Variants in TG observed in about 807,000 individuals in gnomAD.
TG encodes the protein thyroglobulin, also known as thyroid hormones.
A neutral mutation model predicts 324.7 loss-of-function variants in TG; 270 were observed. The ratio of observed to expected loss-of-function variants is 0.83; its 90% confidence interval spans 0.75 to 0.92. The LOEUF (loss-of-function observed/expected upper bound fraction) is 0.92, where lower values mean the gene tolerates loss of function less well. Among genes scored for constraint, TG ranks in the 40% least tolerant of loss-of-function variants. The probability of loss-of-function intolerance (pLI) is 0.00; values close to 1 mark genes in which losing one functional copy is unlikely to be tolerated. For missense variants in TG, 3,591 were observed against 3,456.4 expected (o/e 1.04, Z -0.98); for synonymous variants, 1,401 against 1,327.0 (o/e 1.06, Z -1.21).
At chr8:133,003,747 C>T (rs573077920) in intron 35 of TG, among the ~76,000 whole-genome samples, 1 of 152,148 alleles carries the variant, frequency 6.6e-6, no homozygotes, top group Non-Finnish European at 1.5e-5. Flanking sequence ...CCCATCACCT[C>T]CTGCCTCTTT....
intron 32 of TG, among the ~76,000 whole-genome samples, chr8:132,969,774 G>C (rs1829214518): frequency 6.6e-6 from 1 of 151,980 alleles, no homozygotes; most frequent in Admixed American, 6.6e-5. Context: ...AGCTGGGCAT[G>C]GTGGCGGCAC....
chr8:132,917,905 T>TTTTTTTTA lies in TG; in HGVS notation c.4379-1471_4379-1470insTTTTTTTA, dbSNP rs1554667907. Among the ~76,000 whole-genome samples, 4 of 150,366 alleles carry TTTTTTTTA rather than the reference T, an allele frequency of 2.7e-5. No individual in the cohort carries two copies. The East Asian group carries it at 5.9e-4, about 22-fold the overall frequency. On this transcript the variant is annotated intron_variant, in intron 20 of 47. Coordinates refer to ENST00000220616, the MANE Select transcript of TG (RefSeq NM_003235.5). ...GTTTTTGCAATTTTTTTTTTTTTTT[T>TTTTTTTTA]AATTGCAAAAACCACAATTACTTTT...
At chr8:133,090,374 CT>C (rs1443486252) in intron 41 of TG, among the ~76,000 whole-genome samples, 1 of 152,168 alleles carries the variant, frequency 6.6e-6, no homozygotes, top group Non-Finnish European at 1.5e-5. Context: ...AGACATAGTC[CT>C]TCCTACCTGA....
intron 10 of TG, 90 bp from the exon 11 acceptor site, chr8:132,893,600 G>A: frequency 6.5e-7 from 1 of 1,545,520 alleles, no homozygotes; most frequent in Admixed American, 1.7e-5. Context: ...TGGTGTGTAT[G>A]TGTGTGCGTG....
intron 35 of TG, chr8:133,002,953 A>G: frequency 9.9e-7 from 1 of 1,009,988 alleles, no homozygotes; most frequent in Non-Finnish European, 1.2e-6. Context: ...CATTCCCTTG[A>G]TGCCTACCAT....
intron 11 of TG, among the ~76,000 whole-genome samples, chr8:132,894,364 T>A (rs187869941): frequency 1.4e-4 from 22 of 151,796 alleles, no homozygotes; most frequent in African/African-American, 4.8e-4. Flanking sequence ...ATCCTGAGAG[T>A]AACTCCAAAA....
At chr8:133,005,930 C>A (rs1243166820) in intron 35 of TG, among the ~76,000 whole-genome samples, 1 of 152,136 alleles carries the variant, frequency 6.6e-6, no homozygotes, top group Non-Finnish European at 1.5e-5. Flanking sequence ...GCTTTCCTCT[C>A]GGCTCACCTC....
intron 41 of TG, among the ~76,000 whole-genome samples, chr8:133,039,830 G>A (rs1311435911): frequency 6.6e-6 from 1 of 152,208 alleles, no homozygotes; most frequent in Non-Finnish European, 1.5e-5. Context: ...GGATTCCCTT[G>A]GTCTACACTT....
At chr8:133,065,869 G>C (rs1326150004) in intron 41 of TG, among the ~76,000 whole-genome samples, 1 of 152,116 alleles carries the variant, frequency 6.6e-6, no homozygotes, top group African/African-American at 2.4e-5. Flanking sequence ...TAATACAATG[G>C]AGGCCCTGAG....
intron 40 of TG, among the ~76,000 whole-genome samples, chr8:133,024,870 TAA>T (rs1341056833): frequency 1.3e-5 from 2 of 151,154 alleles, no homozygotes; most frequent in East Asian, 3.8e-4. Flanking sequence ...GCAATAAACA[TAA>T]GTGTGCATGT....
intron 45 of TG, among the ~76,000 whole-genome samples, chr8:133,130,000 T>C (rs909036035): frequency 2.0e-5 from 3 of 152,164 alleles, no homozygotes; most frequent in African/African-American, 7.2e-5. Flanking sequence ...CTCTCTCAGT[T>C]AATCAAAAAG....
At chr8:133,000,099 G>A (rs574337390) in intron 35 of TG, among the ~76,000 whole-genome samples, 2 of 152,336 alleles carry the variant, frequency 1.3e-5, no homozygotes, top group South Asian at 4.1e-4. Context: ...TGCAGACAGT[G>A]GTGAGAGCTC....
At chr8:132,931,394 G>A (rs1822699878) in intron 23 of TG, among the ~76,000 whole-genome samples, 1 of 152,202 alleles carries the variant, frequency 6.6e-6, no homozygotes. Flanking sequence ...AATCAAGGTG[G>A]TTTTACGGTA....
chr8:132,964,957 A>G, intron 29 of TG: 1 of 702,120 alleles, frequency 1.4e-6, no homozygotes, highest in Non-Finnish European at 2.6e-6. Flanking sequence ...AAGGTGTTCC[A>G]GGTAAGGGGA....
At position 132,866,979 on chromosome 8, in the gene TG, C is replaced by T. The variant is rs1040699709; in HGVS notation, c.-22C>T. On this transcript the variant is annotated 5_prime_UTR_variant, in exon 1 of 48. Coordinates refer to ENST00000220616, the MANE Select transcript of TG (RefSeq NM_003235.5). The stretch of plus-strand genomic sequence containing the variant: ...GGGCAAGCAGTGGTTTCTCCTCCTT[C>T]CTCCCAGGAAGGGCCAGGAAAATGG... The T allele has an allele frequency of 6.3e-7, 1 of 1,575,636 alleles. No individual in the cohort carries two copies. The highest frequency in any genetic ancestry group is 8.6e-7 in the Non-Finnish European group (1 of 1,157,728).
At chr8:132,906,986 A>G in intron 17 of TG, 86 bp downstream of exon 17, 1 of 1,398,082 alleles carries the variant, frequency 7.2e-7, no homozygotes, top group Non-Finnish European at 9.8e-7. Flanking sequence ...TGGCTGCTCC[A>G]TTTCCCCACC....
intron 11 of TG, among the ~76,000 whole-genome samples, chr8:132,896,719 T>A (rs1817164611): frequency 1.3e-5 from 2 of 152,196 alleles, no homozygotes; most frequent in Non-Finnish European, 2.9e-5. Context: ...CACGCTTTTT[T>A]CCCAATCGGT....
At chr8:132,961,098 G>T in intron 28 of TG, 25 bp downstream of exon 28, 2 of 1,612,228 alleles carry the variant, frequency 1.2e-6, no homozygotes, top group East Asian at 2.2e-5. Context: ...GGAAGAGGGG[G>T]TTAGCAGGAC....
intron 30 of TG, 62 bp from the exon 31 acceptor site, chr8:132,967,732 A>G: frequency 6.4e-7 from 1 of 1,553,394 alleles, no homozygotes; most frequent in Non-Finnish European, 8.9e-7. Context: ...AGAATCCTGT[A>G]GAGATTATTC....
Sources: gnomAD v4.1 joint callset for allele counts (sites outside exome capture counted in the v4.1 genomes callset) on GRCh38, gnomAD v4.1.1 for gene constraint, MANE v1.5 for transcripts, NCBI Gene and HGNC (gene_info 2026-07-23, HGNC 2026-07-21) for gene names.